The following ARHGAP32 variants were observed in gnomAD, a reference collection of about 807,000 sequenced individuals.
ARHGAP32 encodes the protein Rho GTPase activating protein 32, also known as rho GTPase-activating protein 32.
A neutral mutation model predicts 186.5 loss-of-function variants in ARHGAP32; 51 were observed. That is an observed-to-expected ratio of 0.27 (90% confidence interval 0.22 to 0.35). The LOEUF (loss-of-function observed/expected upper bound fraction) is 0.35. ARHGAP32 is among the 10% of genes least tolerant of loss of function. The pLI is 1.00. For synonymous variants in ARHGAP32, 950 were observed against 964.3 expected (o/e 0.99, Z 0.27); for missense variants, 2,186 against 2,623.5 (o/e 0.83, Z 3.64).
intron 2 of ARHGAP32, among the ~76,000 whole-genome samples, chr11:129,133,586 A>G (rs1168395767): frequency 6.6e-6 from 1 of 152,242 alleles, no homozygotes; most frequent in Non-Finnish European, 1.5e-5. Flanking sequence ...ATTTCTCATC[A>G]GAAACCAGAA....
chr11:129,238,781 AC>A (rs1313360507), intron 1 of ARHGAP32, among the ~76,000 whole-genome samples: 1 of 133,214 alleles, frequency 7.5e-6, no homozygotes, highest in Admixed American at 7.8e-5. Context: ...ACACACACAC[AC>A]CTCTAACCAA....
chr11:129,244,537 G>A (rs551348204), intron 1 of ARHGAP32, among the ~76,000 whole-genome samples: 2 of 152,244 alleles, frequency 1.3e-5, no homozygotes, highest in East Asian at 3.9e-4. Context: ...ATAGGCATGG[G>A]CAAGAACTTC....
intron 8 of ARHGAP32, 67 bp from the exon 9 acceptor site, chr11:129,064,091 T>A: frequency 7.2e-7 from 1 of 1,381,332 alleles, no homozygotes; most frequent in South Asian, 1.6e-5. Context: ...TGACTATCTA[T>A]AAAAGAAATT....
At chr11:128,988,934 T>C (rs762151795) in intron 12 of ARHGAP32, among the ~76,000 whole-genome samples, 8 of 152,182 alleles carry the variant, frequency 5.3e-5, no homozygotes, top group South Asian at 4.1e-4. Context: ...GCAATGCAGA[T>C]TGATGAGTTT....
At chr11:129,154,338 T>C (rs1205898457) in intron 2 of ARHGAP32, among the ~76,000 whole-genome samples, 1 of 152,182 alleles carries the variant, frequency 6.6e-6, no homozygotes, top group Non-Finnish European at 1.5e-5. Context: ...CCTAAAGAAC[T>C]GAAGGCAGAA....
intron 1 of ARHGAP32, among the ~76,000 whole-genome samples, chr11:129,204,816 C>T (rs1468415123): frequency 6.6e-6 from 1 of 152,136 alleles, no homozygotes; most frequent in African/African-American, 2.4e-5. Flanking sequence ...AAATGCTGTA[C>T]TTTTAAACTT....
intron 1 of ARHGAP32, among the ~76,000 whole-genome samples, chr11:129,223,812 A>T (rs1944745492): frequency 1.3e-5 from 2 of 152,228 alleles, no homozygotes; most frequent in African/African-American, 2.4e-5. Flanking sequence ...TAAGCAATTA[A>T]GATGAATAAT....
intron 3 of ARHGAP32, 107 bp downstream of exon 3, chr11:129,124,696 T>C (rs1381726567): frequency 1.3e-6 from 1 of 778,662 alleles, no homozygotes; most frequent in Non-Finnish European, 2.0e-6. Flanking sequence ...AGTTGCACAG[T>C]AACAGCATAT....
chr11:129,173,121 G>A (rs1591670746), intron 1 of ARHGAP32, among the ~76,000 whole-genome samples: 1 of 151,800 alleles, frequency 6.6e-6, no homozygotes, highest in Non-Finnish European at 1.5e-5. Flanking sequence ...AATAAAAAAT[G>A]TTTAGGGACA....
At chr11:129,201,257 A>T (rs919064890) in intron 1 of ARHGAP32, among the ~76,000 whole-genome samples, 7 of 152,328 alleles carry the variant, frequency 4.6e-5, no homozygotes, top group Non-Finnish European at 7.4e-5. Context: ...TCACTGTAAT[A>T]AGCAAAGATT....
Position 128,972,768 on chromosome 11 carries a change from G to T in ARHGAP32, c.3738C>A (p.Asp1246Glu). The T allele has an allele frequency of 6.2e-7, 1 of 1,613,968 alleles. No individual in the cohort carries two copies. Among genetic ancestry groups the T allele is most frequent in the Non-Finnish European group, 8.5e-7 (1 of 1,179,992 alleles). Residue 1246 changes from aspartate to glutamate, a missense_variant, in exon 22 of 23, where the codon GAC (aspartate) becomes GAA (glutamate). By Grantham distance (45) the Asp-to-Glu change is conservative. Around this residue, in one of 5 missense-constraint regions of ARHGAP32, gnomAD observed 1,502 missense variants for 1,570.0 expected, o/e 0.96. Transcript: ENST00000682385. ...DKLHHPLEFADKSPTPPNLPS... is the reference protein window; with the variant it reads ...DKLHHPLEFAEKSPTPPNLPS... ...GTAAATTAGGAGGTGTGGGAGATTT[G>T]TCTGCAAATTCTAAAGGGTGATGGA...
intron 13 of ARHGAP32, 100 bp downstream of exon 13, chr11:128,987,923 C>T (rs1945925660): frequency 7.6e-6 from 6 of 784,712 alleles, no homozygotes; most frequent in Non-Finnish European, 1.0e-5. Context: ...TCTAAATTAT[C>T]TTTAATGAAA....
intron 1 of ARHGAP32, among the ~76,000 whole-genome samples, chr11:129,226,460 G>A (rs528164388): frequency 5.3e-5 from 8 of 152,190 alleles, no homozygotes; most frequent in Admixed American, 3.3e-4. Flanking sequence ...GTAGAATTAC[G>A]TATTCAAAGT....
rs1197907453 is a variant in ARHGAP32, at chr11:129,164,310, C to T, written c.225+9G>A. On this transcript the variant is annotated intron_variant, in intron 2 of 22. Transcript: ENST00000682385. ...TGTATATATGAACAATTGTATAAAA[C>T]TGATTTACCATTGCGCTAAGAGTTT... 6.8e-7 allele frequency: 1 copy of T among 1,470,466 alleles called. No homozygotes were observed. The highest frequency in any genetic ancestry group is 9.3e-7 in the Non-Finnish European group (1 of 1,077,154). 91.1% of individuals were successfully genotyped at this position (1,470,466 alleles called of 1,614,324 possible).
intron 11 of ARHGAP32, among the ~76,000 whole-genome samples, chr11:129,034,961 A>C (rs927782071): frequency 6.6e-6 from 1 of 152,194 alleles, no homozygotes; most frequent in African/African-American, 2.4e-5. Context: ...AAATATCTGA[A>C]AAGAGAATAG....
chr11:129,242,956 C>T (rs1052390020), intron 1 of ARHGAP32, among the ~76,000 whole-genome samples: 2 of 152,100 alleles, frequency 1.3e-5, no homozygotes, highest in Non-Finnish European at 2.9e-5. Context: ...CCCATGACAA[C>T]TTCATCCACT....
intron 11 of ARHGAP32, among the ~76,000 whole-genome samples, chr11:129,009,206 C>T (rs1937944521): frequency 6.6e-6 from 1 of 152,180 alleles, no homozygotes; most frequent in Non-Finnish European, 1.5e-5. Context: ...ATAAAGGACA[C>T]ATTCCACATA....
intron 1 of ARHGAP32, among the ~76,000 whole-genome samples, chr11:129,234,418 T>C (rs1389986859): frequency 2.0e-5 from 3 of 152,082 alleles, no homozygotes; most frequent in Non-Finnish European, 2.9e-5. Flanking sequence ...ATATTTTTCC[T>C]TAAAATATAT....
chr11:129,249,485 A>T (rs1945150206), intron 1 of ARHGAP32, among the ~76,000 whole-genome samples: 1 of 152,194 alleles, frequency 6.6e-6, no homozygotes, highest in Non-Finnish European at 1.5e-5. Flanking sequence ...ACAGATGCTA[A>T]TGCCAGGTCT....
Sources: gnomAD v4.1 joint callset for allele counts (sites outside exome capture counted in the v4.1 genomes callset) on GRCh38, gnomAD v4.1.1 for gene constraint, gnomAD v4.1.1 regional missense constraint, MANE v1.5 for transcripts, NCBI Gene and HGNC (gene_info 2026-07-23, HGNC 2026-07-21) for gene names.